Variants in NAV2 observed in about 807,000 individuals in gnomAD.
The protein encoded by NAV2 is helicase, APC down-regulated 1.
NAV2 carries 54 observed loss-of-function variants against 223.2 expected under a neutral mutation model. That is an observed-to-expected ratio of 0.24 (90% CI 0.19 to 0.30). The LOEUF (loss-of-function observed/expected upper bound fraction) is 0.30, where lower values mean the gene tolerates loss of function less well. NAV2 is among the 10% of genes least tolerant of loss of function. The pLI is 1.00. For missense variants in NAV2, 2,806 were observed against 3,147.5 expected, an observed-to-expected ratio of 0.89 and a Z score of 2.60; for synonymous variants, 1,279 against 1,239.3, an observed-to-expected ratio of 1.03 and a Z score of -0.67.
Position 19,495,001 on chromosome 11 carries a change from G to A in NAV2, c.75+143974G>A, listed in dbSNP as rs117850170. ...GGAGAATCCTGGTGGGCACAGGTCA[G>A]GAACCCCCTGACAGGAAAACTCATT... On this transcript the variant is annotated intron_variant, in intron 1 of 37. Transcript: ENST00000360655. Among the ~76,000 whole-genome samples, 1,344 of 152,286 alleles carry A rather than the reference G, an allele frequency of 8.8e-3. 11 individuals carry two copies. Among genetic ancestry groups the A allele is most frequent in the Non-Finnish European group, 0.015 (1,002 of 68,032 alleles).
At chr11:19,566,161 G>A (rs2045263690) in intron 1 of NAV2, among the ~76,000 whole-genome samples, 1 of 151,924 alleles carries the variant, frequency 6.6e-6, no homozygotes, top group South Asian at 2.1e-4. Flanking sequence ...CTCAACCTCT[G>A]GGGCTCAAGC....
At chr11:19,429,372 C>A (rs574649462) in intron 1 of NAV2, among the ~76,000 whole-genome samples, 3 of 152,226 alleles carry the variant, frequency 2.0e-5, no homozygotes, top group African/African-American at 7.2e-5. Context: ...TGGGCTATTA[C>A]GGGAGTGTCC....
At chr11:19,602,602 A>G (rs937666954) in intron 1 of NAV2, among the ~76,000 whole-genome samples, 18 of 152,332 alleles carry the variant, frequency 1.2e-4, no homozygotes, top group Admixed American at 9.1e-4. Flanking sequence ...TCAGAAATAT[A>G]AAAATCAAGG....
chr11:19,756,785 G>C (rs1331482283), intron 1 of NAV2, among the ~76,000 whole-genome samples: 1 of 152,188 alleles, frequency 6.6e-6, no homozygotes, highest in Admixed American at 6.5e-5. Flanking sequence ...GCTGATCAGG[G>C]CGCCAGTTTC....
intron 1 of NAV2, among the ~76,000 whole-genome samples, chr11:19,624,730 C>T (rs576415972): frequency 4.6e-5 from 7 of 152,336 alleles, no homozygotes; most frequent in African/African-American, 7.2e-5. Flanking sequence ...CGCCCTGCTT[C>T]GGCTCACGCT....
chr11:19,534,388 T>G (rs1216326220), intron 1 of NAV2, among the ~76,000 whole-genome samples: 1 of 152,192 alleles, frequency 6.6e-6, no homozygotes, highest in Non-Finnish European at 1.5e-5. Flanking sequence ...GGTGAACACA[T>G]GTTGAGCACC....
chr11:20,035,860 T>G, intron 11 of NAV2, 99 bp from the exon 12 acceptor site: 1 of 1,414,866 alleles, frequency 7.1e-7, no homozygotes, highest in Non-Finnish European at 9.7e-7. Flanking sequence ...ATGGCACAGA[T>G]TGGATCTTTT....
chr11:19,835,294 AAC>A (rs1399518889), intron 2 of NAV2, among the ~76,000 whole-genome samples: 1 of 152,146 alleles, frequency 6.6e-6, no homozygotes, highest in Non-Finnish European at 1.5e-5. Context: ...TCCACCCTCC[AAC>A]ACAGGATCGC....
intron 1 of NAV2, among the ~76,000 whole-genome samples, chr11:19,422,955 G>T (rs1209802027): frequency 6.6e-6 from 1 of 152,162 alleles, no homozygotes. Flanking sequence ...GGCCATTGTT[G>T]TAAATCTAAA....
chr11:19,878,366 G>A (rs1403764409), intron 4 of NAV2, among the ~76,000 whole-genome samples: 5 of 152,212 alleles, frequency 3.3e-5, no homozygotes, highest in Non-Finnish European at 7.3e-5. Context: ...TGTTTAAAGT[G>A]TGCTTTTGCC....
intron 11 of NAV2, among the ~76,000 whole-genome samples, chr11:20,025,711 C>T (rs569930372): frequency 6.6e-5 from 10 of 152,250 alleles, no homozygotes; most frequent in East Asian, 1.9e-4. Flanking sequence ...CTTTTTTATG[C>T]GGTTTGTGTT....
intron 1 of NAV2, among the ~76,000 whole-genome samples, chr11:19,421,764 C>CTTTT (rs373669949): frequency 0.029 from 2,468 of 84,458 alleles, 271 homozygotes; most frequent in South Asian, 0.041. Context: ...AAGAGAGAGG[C>CTTTT]TTTTTTTTTT....
At chr11:20,117,117 C>T (rs1263801469) in intron 37 of NAV2, among the ~76,000 whole-genome samples, 1 of 152,200 alleles carries the variant, frequency 6.6e-6, no homozygotes, top group Non-Finnish European at 1.5e-5. Context: ...TGCACCACAT[C>T]TTGGCCCTAG....
chr11:19,389,291 G>A (rs567423653), intron 1 of NAV2, among the ~76,000 whole-genome samples: 2 of 152,356 alleles, frequency 1.3e-5, no homozygotes, highest in East Asian at 3.9e-4. Flanking sequence ...AGGCCACAGG[G>A]AGGTAGAAGC....
chr11:19,667,551 G>T (rs2048450021), intron 1 of NAV2, among the ~76,000 whole-genome samples: 1 of 152,164 alleles, frequency 6.6e-6, no homozygotes, highest in Non-Finnish European at 1.5e-5. Context: ...GTGTGCTGGA[G>T]GAGGAACCAT....
chr11:19,579,608 T>C (rs375944835), intron 1 of NAV2, among the ~76,000 whole-genome samples: 1 of 152,196 alleles, frequency 6.6e-6, no homozygotes, highest in African/African-American at 2.4e-5. Context: ...CTCTGGAAGA[T>C]AGGAAGGAAA....
At chr11:20,065,585 C>T (rs1466860892) in intron 20 of NAV2, among the ~76,000 whole-genome samples, 1 of 152,202 alleles carries the variant, frequency 6.6e-6, no homozygotes, top group African/African-American at 2.4e-5. Flanking sequence ...AGCAGCTTCA[C>T]ATAGTGTTAC....
At chr11:19,615,199 T>A (rs7113529) in intron 1 of NAV2, among the ~76,000 whole-genome samples, 2,054 of 151,520 alleles carry the variant, frequency 0.014, 49 homozygotes, top group African/African-American at 0.047. Context: ...TACTAAAATA[T>A]GTAAAAATAT....
At chr11:20,081,354 A>C (rs1316373927) in intron 25 of NAV2, among the ~76,000 whole-genome samples, 4 of 152,222 alleles carry the variant, frequency 2.6e-5, no homozygotes, top group African/African-American at 9.6e-5. Context: ...TTGATTTTCA[A>C]AGTGACGAGA....
Sources: gnomAD v4.1 joint callset for allele counts (sites outside exome capture counted in the v4.1 genomes callset) on GRCh38, gnomAD v4.1.1 for gene constraint, MANE v1.5 for transcripts, NCBI Gene and HGNC (gene_info 2026-07-23, HGNC 2026-07-21) for gene names.